NHSL1: variants seen among roughly 807,000 people sequenced by gnomAD.
The protein encoded by NHSL1 is NHS-like protein 1.
In NHSL1, 48 loss-of-function variants were observed where a neutral mutation model predicts 95.0. The observed-to-expected ratio is 0.51, with a 90% confidence interval of 0.40 to 0.64. The LOEUF is 0.64. Ranked by LOEUF, NHSL1 falls within the 30% of genes least tolerant of loss-of-function variation. The probability of loss-of-function intolerance (pLI) is 0.00; values close to 1 mark genes in which losing one functional copy is unlikely to be tolerated. For synonymous variants in NHSL1, 783 were observed against 833.9 expected (o/e 0.94, Z 1.05); for missense variants, 1,971 against 2,077.7 (o/e 0.95, Z 1.00).
chr6:138,509,699 C>T (rs973131301), intron 1 of NHSL1, among the ~76,000 whole-genome samples: 1 of 152,170 alleles, frequency 6.6e-6, no homozygotes, highest in African/African-American at 2.4e-5. Context: ...TCTTCCTTCA[C>T]CAGAGAAAGA....
chr6:138,545,893 A>C (rs914077519), upstream of NHSL1: 1 of 925,624 alleles, frequency 1.1e-6, no homozygotes. Context: ...GAAAGGAGCC[A>C]GGGGTTAGCA....
intron 1 of NHSL1, among the ~76,000 whole-genome samples, chr6:138,670,765 C>T (rs1785357850): frequency 2.0e-5 from 3 of 151,824 alleles, no homozygotes. Flanking sequence ...AAAAGAATAC[C>T]CAGAACAAGA....
At chr6:138,544,693 A>C (rs1176825935) in intron 1 of NHSL1, among the ~76,000 whole-genome samples, 1 of 152,194 alleles carries the variant, frequency 6.6e-6, no homozygotes, top group Non-Finnish European at 1.5e-5. Context: ...AGAATGACAT[A>C]CACTGAAAGA....
intron 1 of NHSL1, among the ~76,000 whole-genome samples, chr6:138,566,671 C>A (rs1783630722): frequency 1.3e-5 from 2 of 150,722 alleles, no homozygotes; most frequent in East Asian, 3.9e-4. Flanking sequence ...AGGAAGGATA[C>A]TAGATAAAAT....
At chr6:138,577,763 C>G (rs1783993040) in intron 1 of NHSL1, among the ~76,000 whole-genome samples, 1 of 152,148 alleles carries the variant, frequency 6.6e-6, no homozygotes, top group South Asian at 2.1e-4. Flanking sequence ...AAATGGAAAT[C>G]TTTCTATGAG....
intron 1 of NHSL1, among the ~76,000 whole-genome samples, chr6:138,635,424 A>C (rs958820656): frequency 2.6e-5 from 4 of 152,198 alleles, no homozygotes; most frequent in Non-Finnish European, 5.9e-5. Flanking sequence ...TATGCCAATA[A>C]ATTGGAAAAT....
chr6:138,574,896 T>C (rs35832665), upstream of NHSL1, among the ~76,000 whole-genome samples: 4,144 of 151,780 alleles, frequency 0.027, 165 homozygotes, highest in African/African-American at 0.095. Context: ...TGCTTAAACC[T>C]TGTGTGTTCT....
chr6:138,571,990 C>T, exon 1 of NHSL1: 7 of 1,135,982 alleles, frequency 6.2e-6, no homozygotes, highest in Non-Finnish European at 8.8e-6. Context: ...CCCAGGTCCT[C>T]TCCACGAGCC....
At chr6:138,476,406 A>C (rs982351040) in intron 2 of NHSL1, among the ~76,000 whole-genome samples, 1 of 152,240 alleles carries the variant, frequency 6.6e-6, no homozygotes, top group Non-Finnish European at 1.5e-5. Flanking sequence ...CAGAAAATCA[A>C]ATAGTGCATG....
chr6:138,434,494 C>A (rs1775941760), intron 5 of NHSL1, among the ~76,000 whole-genome samples: 1 of 148,602 alleles, frequency 6.7e-6, no homozygotes, highest in South Asian at 2.1e-4. Flanking sequence ...TAAGTGTAAA[C>A]AGTTAGATTT....
chr6:138,663,203 CT>C (rs985754471), intron 1 of NHSL1, among the ~76,000 whole-genome samples: 1 of 152,004 alleles, frequency 6.6e-6, no homozygotes, highest in African/African-American at 2.4e-5. Flanking sequence ...ACGACATTTA[CT>C]TGAAAAAAGC....
intron 1 of NHSL1, among the ~76,000 whole-genome samples, chr6:138,665,810 TA>T (rs971597532): frequency 4.0e-5 from 6 of 149,538 alleles, no homozygotes; most frequent in Non-Finnish European, 7.4e-5. Flanking sequence ...CCCCTCTAAT[TA>T]AAAAAAAAAC....
At chr6:138,502,268 T>C (rs547867405), upstream of NHSL1, among the ~76,000 whole-genome samples, 4 of 152,342 alleles carry the variant, frequency 2.6e-5, no homozygotes, top group East Asian at 3.9e-4. Context: ...ACCCAATCAA[T>C]TGCCAGCTCT....
intron 1 of NHSL1, among the ~76,000 whole-genome samples, chr6:138,631,002 C>T (rs1784811894): frequency 1.3e-5 from 2 of 152,170 alleles, no homozygotes; most frequent in South Asian, 4.1e-4. Flanking sequence ...CAGATGCCAT[C>T]CCTCCACCAT....
At chr6:138,504,255 GAGAA>G (rs201299294), upstream of NHSL1, among the ~76,000 whole-genome samples, 2,899 of 152,174 alleles carry the variant, frequency 0.019, 48 homozygotes, top group Admixed American at 0.037. Flanking sequence ...GAGAGAGAGA[GAGAA>G]AGAGAGAGAG....
At chr6:138,690,381 T>C (rs1785648054) in intron 1 of NHSL1, among the ~76,000 whole-genome samples, 1 of 152,110 alleles carries the variant, frequency 6.6e-6, no homozygotes, top group Admixed American at 6.5e-5. Context: ...CTTTCTTCTC[T>C]ACATGTACAT....
At chr6:138,515,153 C>G (rs1344940194) in intron 1 of NHSL1, among the ~76,000 whole-genome samples, 1 of 152,118 alleles carries the variant, frequency 6.6e-6, no homozygotes, top group Non-Finnish European at 1.5e-5. Flanking sequence ...CAATTCAAAA[C>G]TTATGTATTA....
chr6:138,625,669 A>G (rs1583455400), intron 1 of NHSL1, among the ~76,000 whole-genome samples: 3 of 150,844 alleles, frequency 2.0e-5, no homozygotes, highest in East Asian at 3.9e-4. Context: ...AATTAGAGAC[A>G]AAGTCTTGCT....
In NHSL1 at chr6:138,430,712, A is replaced by G. The variant is rs1775578892; in HGVS notation, c.3633T>C (p.Asp1211=). 3 of 1,551,634 alleles carry G rather than the reference A, an allele frequency of 1.9e-6. No homozygotes were observed. The African/African-American group carries it at 4.1e-5, about 21-fold the overall frequency. Residue 1211 remains aspartate, a synonymous_variant, in exon 6 of 8, where the codon GAT becomes GAC. Coordinates refer to ENST00000343505, the MANE Select transcript of NHSL1 (RefSeq NM_001144060.2). This position sits in a 1 kb window ranked among gnomAD's most constrained non-coding sequence, Gnocchi z 4.7. The part of the protein sequence containing the change: ...LFLVVPPPQK[D]FAVEPAENVS... ...CGTTCTCTGCGGGCTCCACTGCAAA[A>G]TCTTTCTGCGGAGGTGGTACCACCA...
Sources: gnomAD v4.1 joint callset for allele counts (sites outside exome capture counted in the v4.1 genomes callset) on GRCh38, gnomAD v4.1.1 for gene constraint, Gnocchi (gnomAD v3.1) non-coding constraint, MANE v1.5 for transcripts, NCBI Gene and HGNC (gene_info 2026-07-23, HGNC 2026-07-21) for gene names.